Variants in ZNF516 observed in about 807,000 individuals in gnomAD.
ZNF516 encodes the protein zinc finger protein 516.
A neutral mutation model predicts 79.7 loss-of-function variants in ZNF516; 19 were observed. That is an observed-to-expected ratio of 0.24 (90% confidence interval 0.17 to 0.35). The LOEUF is 0.35. Ranked by LOEUF, ZNF516 falls within the 10% of genes least tolerant of loss-of-function variation. The pLI, the probability that ZNF516 is intolerant of heterozygous loss-of-function variation, is 1.00. For missense variants in ZNF516, 1,678 were observed against 1,679.5 expected (o/e 1.00, Z 0.02); for synonymous variants, 877 against 739.5 (o/e 1.19, Z -3.02).
At chr18:76,480,202 A>G (rs1191379836) in intron 1 of ZNF516, among the ~76,000 whole-genome samples, 1 of 150,894 alleles carries the variant, frequency 6.6e-6, no homozygotes, top group Non-Finnish European at 1.5e-5. Context: ...AAAACTTAGT[A>G]GTAATTCTTG....
intron 3 of ZNF516, among the ~76,000 whole-genome samples, chr18:76,423,485 A>C (rs1195112298): frequency 6.6e-6 from 1 of 151,958 alleles, no homozygotes; most frequent in African/African-American, 2.4e-5. Flanking sequence ...TTCCCCCCTG[A>C]AACACACACA....
chr18:76,418,321 ACACT>A (rs1293471380), intron 3 of ZNF516, among the ~76,000 whole-genome samples: 2 of 152,164 alleles, frequency 1.3e-5, no homozygotes, highest in East Asian at 1.9e-4. Context: ...ATGCTGTAAC[ACACT>A]AACACACTAT....
At chr18:76,483,927 CAACTCGCACG>C (rs1914679838) in intron 1 of ZNF516, among the ~76,000 whole-genome samples, 1 of 152,150 alleles carries the variant, frequency 6.6e-6, no homozygotes, top group Non-Finnish European at 1.5e-5. Context: ...GTCCAGTGCC[CAACTCGCACG>C]ACATCCCCGT....
At chr18:76,367,665 G>A (rs555886076) in intron 6 of ZNF516, among the ~76,000 whole-genome samples, 16 of 152,232 alleles carry the variant, frequency 1.1e-4, no homozygotes, top group East Asian at 3.9e-4. Flanking sequence ...CAATGACAGG[G>A]CCCTTCCCAT....
chr18:76,488,150 G>A (rs1251695971), intron 1 of ZNF516: 4 of 984,948 alleles, frequency 4.1e-6, no homozygotes, highest in Admixed American at 1.2e-4. Flanking sequence ...ACCCCACAAC[G>A]GATGCACAGC....
At chr18:76,476,680 TCCACTAA>T (rs1489065773) in intron 1 of ZNF516, among the ~76,000 whole-genome samples, 26 of 152,244 alleles carry the variant, frequency 1.7e-4, no homozygotes, top group Non-Finnish European at 3.4e-4. Flanking sequence ...GTGTCAGTTT[TCCACTAA>T]CCTCCAAAAC....
intron 2 of ZNF516, among the ~76,000 whole-genome samples, chr18:76,455,838 G>C (rs1032147529): frequency 1.3e-5 from 2 of 152,214 alleles, no homozygotes; most frequent in African/African-American, 2.4e-5. Flanking sequence ...ATGAGCATGT[G>C]TGTGCAGCTT....
At chr18:76,416,756 T>C (rs1355229037) in intron 3 of ZNF516, among the ~76,000 whole-genome samples, 4 of 152,126 alleles carry the variant, frequency 2.6e-5, no homozygotes, top group Admixed American at 2.6e-4. Context: ...GAAAAGCAAA[T>C]TGAAAATACC....
chr18:76,488,503 C>T (rs1205196321), intron 1 of ZNF516, among the ~76,000 whole-genome samples: 1 of 129,620 alleles, frequency 7.7e-6, no homozygotes, highest in Admixed American at 9.6e-5. Flanking sequence ...GAACTTTTCC[C>T]ACAGCTTCTA....
chr18:76,435,059 C>A (rs1407754718), intron 3 of ZNF516, among the ~76,000 whole-genome samples: 1 of 152,198 alleles, frequency 6.6e-6, no homozygotes, highest in Admixed American at 6.5e-5. Flanking sequence ...GTTTCCTTAC[C>A]AATAAAACGG....
intron 3 of ZNF516, among the ~76,000 whole-genome samples, chr18:76,433,337 C>T (rs772013983): frequency 6.6e-6 from 1 of 152,220 alleles, no homozygotes; most frequent in Non-Finnish European, 1.5e-5. Context: ...CTGTTCTCAG[C>T]GTGAGTCCTG....
At chr18:76,488,360 C>T (rs529741874) in intron 1 of ZNF516, 29 of 589,322 alleles carry the variant, frequency 4.9e-5, no homozygotes, top group Middle Eastern at 8.6e-4. Context: ...TTGCGGGATG[C>T]TAGTTAGGCA....
chr18:76,377,506 G>A (rs993185799), intron 4 of ZNF516, among the ~76,000 whole-genome samples: 2 of 152,248 alleles, frequency 1.3e-5, no homozygotes, highest in African/African-American at 2.4e-5. Flanking sequence ...GGCAGGCTCT[G>A]AAACCCCGGC....
chr18:76,465,055 C>G (rs1214803570), intron 1 of ZNF516, among the ~76,000 whole-genome samples: 1 of 152,250 alleles, frequency 6.6e-6, no homozygotes, highest in African/African-American at 2.4e-5. Flanking sequence ...TCCAGAGGTG[C>G]CAGGGCCCAG....
At chr18:76,453,436 A>G (rs1259112790) in intron 2 of ZNF516, among the ~76,000 whole-genome samples, 1 of 152,210 alleles carries the variant, frequency 6.6e-6, no homozygotes, top group Non-Finnish European at 1.5e-5. Context: ...AAAGCCATGG[A>G]AGCACTGGGT....
At chr18:76,452,519 C>T (rs1912476742) in intron 2 of ZNF516, among the ~76,000 whole-genome samples, 2 of 152,300 alleles carry the variant, frequency 1.3e-5, no homozygotes, top group South Asian at 2.1e-4. Flanking sequence ...AGTCATCATG[C>T]TATTTATAGC....
At chr18:76,381,244 C>A (rs1247690373) in intron 3 of ZNF516, among the ~76,000 whole-genome samples, 2 of 152,228 alleles carry the variant, frequency 1.3e-5, no homozygotes, top group Admixed American at 6.5e-5. Context: ...GTGGACACAA[C>A]ACGGATTAAC....
chr18:76,414,348 T>C (rs1236266588), intron 3 of ZNF516, among the ~76,000 whole-genome samples: 1 of 152,258 alleles, frequency 6.6e-6, no homozygotes, highest in African/African-American at 2.4e-5. Context: ...CGTGTTATTT[T>C]CCTCAGCTGG....
intron 4 of ZNF516, among the ~76,000 whole-genome samples, chr18:76,374,327 G>C (rs2074752293): frequency 6.6e-6 from 1 of 152,210 alleles, no homozygotes; most frequent in Non-Finnish European, 1.5e-5. Flanking sequence ...GTAGCAATAA[G>C]TCATTTATGT....
Sources: gnomAD v4.1 joint callset for allele counts (sites outside exome capture counted in the v4.1 genomes callset) on GRCh38, gnomAD v4.1.1 for gene constraint, MANE v1.5 for transcripts, NCBI Gene and HGNC (gene_info 2026-07-23, HGNC 2026-07-21) for gene names.